CADM4: variants seen among roughly 807,000 people sequenced by gnomAD.
CADM4 encodes cell adhesion molecule 4, also known as TSLC1-like 2.
CADM4 carries 13 observed loss-of-function variants against 43.9 expected under a neutral mutation model. The ratio of observed to expected loss-of-function variants is 0.30; its 90% CI spans 0.19 to 0.47. The LOEUF is 0.47. CADM4 is among the 20% of genes least tolerant of loss of function. CADM4 has a pLI of 1.00. For synonymous variants in CADM4, 209 were observed against 220.9 expected, an observed-to-expected ratio of 0.95 and a Z score of 0.48; for missense variants, 420 against 527.0, an observed-to-expected ratio of 0.80 and a Z score of 1.99.
chr19:43,637,989 C>A (rs1231743527), intron 1 of CADM4, among the ~76,000 whole-genome samples: 1 of 152,092 alleles, frequency 6.6e-6, no homozygotes, highest in African/African-American at 2.4e-5. Flanking sequence ...TTCTATGAGC[C>A]TGGTGTTTAG....
rs1973458504 is a variant in CADM4 at position 43,622,793 on chromosome 19, A to T, written c.*537T>A. 1 of 153,238 alleles carries T rather than the reference A, an allele frequency of 6.5e-6. No individual in the cohort carries two copies. The highest frequency in any genetic ancestry group is 2.4e-5 in the African/African-American group (1 of 41,324). The allele number at this position is 153,238 out of a possible 1,614,324, so 9.5% of individuals were successfully genotyped here. A position where few individuals can be genotyped will look rare whatever the true frequency, so the allele number is the denominator to read the frequency against. Reference sequence around the variant, plus strand: ...TGGGGCTGTCTCCCTCACTGCCCCCATCAAAGTTATGACACAAAGACACAG... The same window carrying T: ...TGGGGCTGTCTCCCTCACTGCCCCCTTCAAAGTTATGACACAAAGACACAG... On this transcript the variant is annotated 3_prime_UTR_variant, in exon 9 of 9. Transcript: ENST00000222374.
chr19:43,641,432 G>C (rs1973770254), upstream of CADM4, among the ~76,000 whole-genome samples: 1 of 152,142 alleles, frequency 6.6e-6, no homozygotes, highest in Non-Finnish European at 1.5e-5. Context: ...ATGGCTCCCA[G>C]TGTCTTCTCT....
At chr19:43,631,716 G>A (rs1402107231) in intron 1 of CADM4, among the ~76,000 whole-genome samples, 1 of 152,140 alleles carries the variant, frequency 6.6e-6, no homozygotes, top group Non-Finnish European at 1.5e-5. Context: ...GTGCCACCTG[G>A]AACTAACAGT....
chr19:43,639,572 C>T (rs1010318574), intron 1 of CADM4, among the ~76,000 whole-genome samples, 155 bp downstream of exon 1: 1 of 150,270 alleles, frequency 6.7e-6, no homozygotes, highest in African/African-American at 2.4e-5. Flanking sequence ...TCGTCGCTCC[C>T]GGCTCCCGGC....
At chr19:43,639,293 G>A (rs561999457) in intron 1 of CADM4, among the ~76,000 whole-genome samples, 1 of 151,590 alleles carries the variant, frequency 6.6e-6, no homozygotes, top group East Asian at 2.0e-4. Flanking sequence ...ACCGAGGCAA[G>A]AAGAGAGGGA....
In CADM4 at chr19:43,626,999, G is replaced by A. The variant is rs1973539467; in HGVS notation, c.365-81C>T. ...AGCGATCGAGCTGCCTGTTCCCAGC[G>A]ACCATAGGGAACCAGGGTCCCAGGT... On this transcript the variant is annotated intron_variant, in intron 3 of 8. Coordinates refer to ENST00000222374, the MANE Select transcript of CADM4 (RefSeq NM_145296.2). This position sits in a 1 kb window ranked among gnomAD's most constrained non-coding sequence, Gnocchi z 5.9. 1 of 1,489,768 alleles carries A rather than the reference G, an allele frequency of 6.7e-7. No individual in the cohort carries two copies. The allele number at this position is 1,489,768 out of a possible 1,614,324, so 92.3% of individuals were successfully genotyped here.
chr19:43,637,011 G>C (rs1819907247), intron 1 of CADM4, among the ~76,000 whole-genome samples: 2 of 152,082 alleles, frequency 1.3e-5, no homozygotes, highest in Non-Finnish European at 2.9e-5. Context: ...TTGGATATCT[G>C]TTTCCTCTCC....
Position 43,623,243 on chromosome 19 carries a change from TG to T in CADM4, c.*86del. ...GGGAGAAGCCCACCATCCCAGACTC[TG>T]GTAAATGTCTTTGCTGGTTCCTTGC... On this transcript the variant is annotated 3_prime_UTR_variant, in exon 9 of 9. Transcript: ENST00000222374. This position sits in a 1 kb window ranked among gnomAD's most constrained non-coding sequence, Gnocchi z 4.4. 1 of 946,458 alleles carries T rather than the reference TG, an allele frequency of 1.1e-6. No homozygotes were observed. The highest frequency in any genetic ancestry group is 1.6e-5 in the African/African-American group (1 of 61,962). The allele number at this position is 946,458 out of a possible 1,614,324, so 58.6% of individuals were successfully genotyped here.
Position 43,622,617 on chromosome 19 carries a change from C to T in CADM4, c.*713G>A, listed in dbSNP as rs1326634087. 2.0e-5 allele frequency: 3 copies of T among 152,584 alleles called. No individual in the cohort carries two copies. Among genetic ancestry groups the T allele is most frequent in the Admixed American group, 2.0e-4 (3 of 15,276 alleles). 9.5% of individuals were successfully genotyped at this position (152,584 alleles called of 1,614,324 possible). On this transcript the variant is annotated 3_prime_UTR_variant, in exon 9 of 9. Coordinates refer to ENST00000222374, the MANE Select transcript of CADM4 (RefSeq NM_145296.2). Reference sequence around the variant, plus strand: ...CACGAATCCTCCCCAAACTCCTTTCCCCCTCCCCGGGGGGCCTGGAGGAGA... The same window carrying T: ...CACGAATCCTCCCCAAACTCCTTTCTCCCTCCCCGGGGGGCCTGGAGGAGA...
chr19:43,627,545 G>A lies in CADM4; in HGVS notation c.211+99C>T. ...CAGCCCTTTCTTCTCCGAGACCCAG[G>A]AGACCAAACTCTCAGGTGTGTCCTC... On this transcript the variant is annotated intron_variant, in intron 2 of 8. Coordinates refer to ENST00000222374, the MANE Select transcript of CADM4 (RefSeq NM_145296.2). The surrounding 1 kb of genome is among the most constrained non-coding windows in gnomAD (Gnocchi z 4.0). 1 of 1,407,132 alleles carries A rather than the reference G, an allele frequency of 7.1e-7. No homozygotes were observed. Among genetic ancestry groups the A allele is most frequent in the Non-Finnish European group, 9.6e-7 (1 of 1,040,658 alleles). 87.2% of individuals were successfully genotyped at this position (1,407,132 alleles called of 1,614,324 possible).
Position 43,626,695 on chromosome 19 carries a change from T to C in CADM4, c.499+89A>G. 6.9e-7 allele frequency: 1 copy of C among 1,456,676 alleles called. No homozygotes were observed. Among genetic ancestry groups the C allele is most frequent in the South Asian group, 1.4e-5 (1 of 69,630 alleles). 90.2% of individuals were successfully genotyped at this position (1,456,676 alleles called of 1,614,324 possible). A position where few individuals can be genotyped will look rare whatever the true frequency, so the allele number is the denominator to read the frequency against. On this transcript the variant is annotated intron_variant, in intron 4 of 8. Transcript: ENST00000222374. This position sits in a 1 kb window ranked among gnomAD's most constrained non-coding sequence, Gnocchi z 5.9. ...CTACATATTGAATGTCCAGTGTCTG[T>C]GAAAACCTGTGGCTCCTCTCCACAT... is the stretch of plus-strand genomic sequence containing the variant.
chr19:43,630,604 G>A (rs1388596273), intron 1 of CADM4, among the ~76,000 whole-genome samples: 3 of 152,116 alleles, frequency 2.0e-5, no homozygotes, highest in Admixed American at 2.0e-4. Context: ...TTTTATAGGT[G>A]AGAAAATTGG....
intron 1 of CADM4, among the ~76,000 whole-genome samples, chr19:43,628,052 G>A (rs1358253784): frequency 6.6e-6 from 1 of 152,100 alleles, no homozygotes; most frequent in East Asian, 1.9e-4. Context: ...GAGCAAGGGA[G>A]GACTATTATA....
At chr19:43,636,048 G>A (rs762967199) in intron 1 of CADM4, among the ~76,000 whole-genome samples, 2 of 150,414 alleles carry the variant, frequency 1.3e-5, no homozygotes, top group Non-Finnish European at 3.0e-5. Context: ...CAGGCCCCCA[G>A]CCCCTCCTCC....
chr19:43,640,893 G>T (rs1973765213), upstream of CADM4, among the ~76,000 whole-genome samples: 1 of 152,070 alleles, frequency 6.6e-6, no homozygotes, highest in Non-Finnish European at 1.5e-5. Flanking sequence ...TGGAAAGAAG[G>T]CCTCGACCTC....
intron 1 of CADM4, among the ~76,000 whole-genome samples, chr19:43,629,855 G>A (rs1332496930): frequency 1.3e-5 from 2 of 151,998 alleles, no homozygotes; most frequent in Non-Finnish European, 2.9e-5. Context: ...GGCCTCAAGT[G>A]ATCCGCCTGC....
At chr19:43,637,810 G>T (rs1333290718) in intron 1 of CADM4, among the ~76,000 whole-genome samples, 1 of 152,142 alleles carries the variant, frequency 6.6e-6, no homozygotes, top group East Asian at 1.9e-4. Flanking sequence ...AAGACATCAA[G>T]ATTTCACGAT....
intron 1 of CADM4, among the ~76,000 whole-genome samples, chr19:43,633,985 T>TG (rs1322452160): frequency 6.6e-6 from 1 of 152,112 alleles, no homozygotes; most frequent in Non-Finnish European, 1.5e-5. Context: ...CATGAGCCAT[T>TG]GCAGCTGGCC....
In CADM4 at chr19:43,639,821, T is replaced by C; in HGVS notation, c.-31A>G. On this transcript the variant is annotated 5_prime_UTR_variant, in exon 1 of 9. Coordinates refer to ENST00000222374, the MANE Select transcript of CADM4 (RefSeq NM_145296.2). Reference sequence around the variant, plus strand: ...CGCCGCCGCCGCCGCCGCCGCTCGCTCCCGGCCCGGCACCTGCACCGCCCG... The same window carrying C: ...CGCCGCCGCCGCCGCCGCCGCTCGCCCCCGGCCCGGCACCTGCACCGCCCG... 2 of 987,278 alleles carry C rather than the reference T, an allele frequency of 2.0e-6. No individual in the cohort carries two copies. Among genetic ancestry groups the C allele is most frequent in the South Asian group, 4.5e-5 (1 of 21,992 alleles). 61.2% of individuals were successfully genotyped at this position (987,278 alleles called of 1,614,324 possible). A position where few individuals can be genotyped will look rare whatever the true frequency, so the allele number is the denominator to read the frequency against.
Sources: gnomAD v4.1 joint callset for allele counts (sites outside exome capture counted in the v4.1 genomes callset) on GRCh38, gnomAD v4.1.1 for gene constraint, Gnocchi (gnomAD v3.1) non-coding constraint, MANE v1.5 for transcripts, NCBI Gene and HGNC (gene_info 2026-07-23, HGNC 2026-07-21) for gene names.